Variants in PTPRD observed in about 807,000 individuals in gnomAD.
PTPRD encodes the protein receptor-type tyrosine-protein phosphatase delta.
A neutral mutation model predicts 214.5 loss-of-function variants in PTPRD; 34 were observed. The observed-to-expected ratio is 0.16, with a 90% confidence interval of 0.12 to 0.21. PTPRD has a LOEUF of 0.21. Among genes scored for constraint, PTPRD ranks in the 10% least tolerant of loss-of-function variants. The probability of loss-of-function intolerance (pLI) is 1.00; values close to 1 mark genes in which losing one functional copy is unlikely to be tolerated. For synonymous variants in PTPRD, 1,128 were observed against 845.7 expected (o/e 1.33, Z -5.79); for missense variants, 2,545 against 2,398.7 (o/e 1.06, Z -1.27).
Position 10,389,949 on chromosome 9 carries a change from T to G in PTPRD, c.-599-48932A>C, listed in dbSNP as rs1168656186. Among the ~76,000 whole-genome samples, 4 of 151,936 alleles carry G rather than the reference T, an allele frequency of 2.6e-5. No individual in the cohort carries two copies. The East Asian group carries it at 5.9e-4, about 22-fold the overall frequency. The stretch of plus-strand genomic sequence containing the variant: ...TATTGTGATCTAATGATTCCATTAT[T>G]AATTAAGAGAATCTATAGCTTTTAC... On this transcript the variant is annotated intron_variant, in intron 2 of 45. Transcript: ENST00000381196.
At chr9:10,198,285 G>A (rs1370177150) in intron 3 of PTPRD, among the ~76,000 whole-genome samples, 1 of 152,130 alleles carries the variant, frequency 6.6e-6, no homozygotes. Context: ...AATAGGTACA[G>A]TATGATAATT....
At chr9:9,778,483 C>A (rs774458566) in intron 5 of PTPRD, among the ~76,000 whole-genome samples, 2 of 152,126 alleles carry the variant, frequency 1.3e-5, no homozygotes, top group Non-Finnish European at 2.9e-5. Flanking sequence ...GGGAACTCCC[C>A]GATTCCCGGA....
intron 3 of PTPRD, among the ~76,000 whole-genome samples, chr9:10,222,987 G>C (rs1185436363): frequency 6.6e-6 from 1 of 152,000 alleles, no homozygotes. Flanking sequence ...AAGCCAGAGG[G>C]AAAGAAGTGA....
chr9:10,038,473 T>C (rs551595058), intron 3 of PTPRD, among the ~76,000 whole-genome samples: 4 of 152,148 alleles, frequency 2.6e-5, no homozygotes, highest in African/African-American at 9.6e-5. Flanking sequence ...TAACAATAGA[T>C]AACATTGATT....
intron 3 of PTPRD, among the ~76,000 whole-genome samples, chr9:10,063,769 A>G (rs560501434): frequency 6.6e-6 from 1 of 152,164 alleles, no homozygotes; most frequent in East Asian, 1.9e-4. Flanking sequence ...ATGTAGCAAT[A>G]CCAGCTAGTT....
chr9:10,136,092 C>T (rs549537567), intron 3 of PTPRD, among the ~76,000 whole-genome samples: 2 of 151,806 alleles, frequency 1.3e-5, no homozygotes, highest in East Asian at 3.9e-4. Context: ...TATTCTTATA[C>T]TAGATAAAGC....
intron 9 of PTPRD, among the ~76,000 whole-genome samples, chr9:9,201,718 G>C (rs891973711): frequency 1.3e-5 from 2 of 152,054 alleles, no homozygotes; most frequent in African/African-American, 4.8e-5. Context: ...ATGTTTTGTT[G>C]ATTGCAAAAT....
At chr9:9,217,863 C>T (rs2133205471) in intron 9 of PTPRD, among the ~76,000 whole-genome samples, 1 of 152,194 alleles carries the variant, frequency 6.6e-6, no homozygotes, top group East Asian at 1.9e-4. Flanking sequence ...AAGCGGCTTC[C>T]TTTTTGAAGC....
At chr9:9,914,901 C>G (rs1020006659) in intron 5 of PTPRD, among the ~76,000 whole-genome samples, 9 of 152,152 alleles carry the variant, frequency 5.9e-5, no homozygotes, top group Non-Finnish European at 1.0e-4. Context: ...GACATGCTTC[C>G]AGGCTGGCAG....
intron 5 of PTPRD, among the ~76,000 whole-genome samples, chr9:9,936,461 A>C (rs13287150): frequency 0.031 from 4,595 of 149,536 alleles, 105 homozygotes; most frequent in East Asian, 0.16. Context: ...GCAGCCAAAA[A>C]ACACATGAAA....
intron 43 of PTPRD, 52 bp downstream of exon 43, chr9:8,338,870 C>G (rs201680512): frequency 6.9e-6 from 6 of 873,002 alleles, no homozygotes; most frequent in Non-Finnish European, 1.6e-6. Context: ...AGAGAGGTAT[C>G]TTAGACTACT....
At chr9:8,724,444 C>A (rs2098536334) in intron 12 of PTPRD, among the ~76,000 whole-genome samples, 1 of 152,172 alleles carries the variant, frequency 6.6e-6, no homozygotes, top group Non-Finnish European at 1.5e-5. Context: ...TTCCAACTAG[C>A]CTCTTAACAG....
chr9:8,507,909 C>G (rs1373049756), intron 21 of PTPRD, among the ~76,000 whole-genome samples: 1 of 152,066 alleles, frequency 6.6e-6, no homozygotes, highest in Non-Finnish European at 1.5e-5. Flanking sequence ...TACCTTTACG[C>G]CAATAACAAA....
chr9:9,719,846 T>G (rs1054131796), intron 7 of PTPRD, among the ~76,000 whole-genome samples: 1 of 152,202 alleles, frequency 6.6e-6, no homozygotes, highest in African/African-American at 2.4e-5. Flanking sequence ...TAGAAGCCTC[T>G]TGCAGTACAC....
At chr9:10,569,111 G>T (rs1373697101) in intron 2 of PTPRD, among the ~76,000 whole-genome samples, 1 of 151,908 alleles carries the variant, frequency 6.6e-6, no homozygotes, top group Non-Finnish European at 1.5e-5. Flanking sequence ...ATGGGCGAAG[G>T]ATATGAACAG....
chr9:9,316,576 G>A (rs973436697), intron 9 of PTPRD, among the ~76,000 whole-genome samples: 3 of 152,064 alleles, frequency 2.0e-5, no homozygotes, highest in African/African-American at 4.8e-5. Flanking sequence ...ACCCTATCAT[G>A]AATCTTCCAA....
intron 10 of PTPRD, among the ~76,000 whole-genome samples, chr9:9,156,101 T>A (rs192616239): frequency 4.5e-4 from 69 of 152,284 alleles, no homozygotes; most frequent in Admixed American, 1.2e-3. Context: ...CTTGTTTATT[T>A]AGGTGTAAAA....
chr9:9,362,607 C>T (rs2056582307), intron 9 of PTPRD, among the ~76,000 whole-genome samples: 2 of 151,146 alleles, frequency 1.3e-5, no homozygotes, highest in South Asian at 4.1e-4. Context: ...AAAGGGCATA[C>T]TCTCTGTTCT....
intron 7 of PTPRD, among the ~76,000 whole-genome samples, chr9:9,638,696 C>G (rs964876408): frequency 2.6e-5 from 4 of 152,156 alleles, no homozygotes; most frequent in Non-Finnish European, 4.4e-5. Context: ...TTTGTTAAGG[C>G]AACAGGCCAC....
Sources: gnomAD v4.1 joint callset for allele counts (sites outside exome capture counted in the v4.1 genomes callset) on GRCh38, gnomAD v4.1.1 for gene constraint, MANE v1.5 for transcripts, NCBI Gene and HGNC (gene_info 2026-07-23, HGNC 2026-07-21) for gene names.